Variants in KDM4C observed in about 807,000 individuals in gnomAD.
KDM4C encodes lysine-specific demethylase 4C.
Under a neutral mutation model 129.3 loss-of-function variants are expected in KDM4C, and 81 were observed. That is an observed-to-expected ratio of 0.63 (90% CI 0.52 to 0.75). The LOEUF (loss-of-function observed/expected upper bound fraction) is 0.75, where lower values mean the gene tolerates loss of function less well. KDM4C is among the 30% of genes least tolerant of loss of function. The pLI is 0.00. For missense variants in KDM4C, 1,457 were observed against 1,304.0 expected (o/e 1.12, Z -1.81); for synonymous variants, 573 against 456.1 (o/e 1.26, Z -3.26).
intron 1 of KDM4C, among the ~76,000 whole-genome samples, chr9:6,740,397 G>A (rs536571797): frequency 6.6e-6 from 1 of 151,780 alleles, no homozygotes; most frequent in Admixed American, 6.6e-5. Flanking sequence ...TAGAGATGGG[G>A]TTTCACCGTG....
intron 1 of KDM4C, chr9:6,734,938 C>T (rs928536458): frequency 1.7e-6 from 1 of 573,926 alleles, no homozygotes; most frequent in Non-Finnish European, 3.5e-6. Context: ...TGCAACTTTT[C>T]AGAGGGATCT....
At chr9:7,118,534 G>C (rs1359046962) in intron 18 of KDM4C, among the ~76,000 whole-genome samples, 3 of 152,158 alleles carry the variant, frequency 2.0e-5, no homozygotes, top group African/African-American at 4.8e-5. Flanking sequence ...TGCAATCCTT[G>C]TAGAAATTTT....
At chr9:7,099,848 A>G (rs936629614) in intron 17 of KDM4C, among the ~76,000 whole-genome samples, 2 of 152,054 alleles carry the variant, frequency 1.3e-5, no homozygotes, top group African/African-American at 4.8e-5. Context: ...ACCTTCTTTC[A>G]TTCCCCTCCC....
At chr9:7,159,194 C>T (rs987057085) in intron 19 of KDM4C, among the ~76,000 whole-genome samples, 1 of 152,102 alleles carries the variant, frequency 6.6e-6, no homozygotes. Context: ...GTAGATCTTC[C>T]TCCATTCCTT....
At chr9:6,991,099 C>T (rs1338534265) in intron 12 of KDM4C, among the ~76,000 whole-genome samples, 4 of 151,856 alleles carry the variant, frequency 2.6e-5, no homozygotes, top group African/African-American at 9.7e-5. Flanking sequence ...TTTTTCAAGA[C>T]AGGGTCTCGC....
intron 19 of KDM4C, among the ~76,000 whole-genome samples, chr9:7,153,160 A>C (rs936318705): frequency 1.3e-5 from 2 of 151,372 alleles, no homozygotes; most frequent in African/African-American, 4.9e-5. Flanking sequence ...CTGGTCTTGA[A>C]CTCCTGAGCT....
chr9:7,025,658 C>G (rs1825688715), intron 15 of KDM4C, among the ~76,000 whole-genome samples: 2 of 152,198 alleles, frequency 1.3e-5, no homozygotes, highest in South Asian at 4.1e-4. Context: ...AAGCTCTACA[C>G]TTTAGCCTCT....
intron 12 of KDM4C, among the ~76,000 whole-genome samples, chr9:7,002,211 C>T (rs1219815174): frequency 6.6e-6 from 1 of 152,144 alleles, no homozygotes; most frequent in Non-Finnish European, 1.5e-5. Context: ...TAGTTTTGAA[C>T]TCCATAAAGG....
chr9:6,934,912 G>A (rs529798128), intron 8 of KDM4C, among the ~76,000 whole-genome samples: 2 of 151,260 alleles, frequency 1.3e-5, no homozygotes, highest in African/African-American at 4.9e-5. Flanking sequence ...AGGTATACCA[G>A]ATTTCTTTAT....
intron 4 of KDM4C, among the ~76,000 whole-genome samples, chr9:6,824,761 A>C (rs1247350211): frequency 2.0e-5 from 3 of 152,184 alleles, no homozygotes; most frequent in East Asian, 1.9e-4. Flanking sequence ...CAGACAGAAA[A>C]AGAAAAGGTG....
At position 7,014,507 on chromosome 9, in the gene KDM4C, T is replaced by G. The variant is rs74367436; in HGVS notation, c.2182+506T>G. Among the ~76,000 whole-genome samples the G allele has an allele frequency of 6.3e-3, 966 of 152,298 alleles. 80 individuals carry two copies. The East Asian group carries it at 0.16, about 25-fold the overall frequency. ...CATTACAGTTGTTTTACCCCTGCAC[T>G]GGGATAGTCTCCACACCTATCTCAA... On this transcript the variant is annotated intron_variant, in intron 14 of 21. Coordinates refer to ENST00000381309, the MANE Select transcript of KDM4C (RefSeq NM_015061.6).
intron 8 of KDM4C, among the ~76,000 whole-genome samples, chr9:6,966,720 A>AT (rs1191125326): frequency 6.6e-6 from 1 of 152,200 alleles, no homozygotes; most frequent in Admixed American, 6.5e-5. Context: ...CCAACCATCC[A>AT]GTAGGGAAAA....
intron 1 of KDM4C, among the ~76,000 whole-genome samples, chr9:6,751,127 C>G (rs1298873557): frequency 1.3e-5 from 2 of 152,150 alleles, no homozygotes; most frequent in Non-Finnish European, 2.9e-5. Flanking sequence ...ACTTCTGTCA[C>G]ATTCTGTTGA....
chr9:6,895,282 T>C (rs1333022151), intron 8 of KDM4C, among the ~76,000 whole-genome samples: 1 of 152,262 alleles, frequency 6.6e-6, no homozygotes, highest in African/African-American at 2.4e-5. Context: ...GGATTGCATT[T>C]CTTACTGAGA....
chr9:6,991,700 C>A (rs1033270502), intron 12 of KDM4C, among the ~76,000 whole-genome samples: 1 of 152,056 alleles, frequency 6.6e-6, no homozygotes, highest in Non-Finnish European at 1.5e-5. Flanking sequence ...GATTTTTTCC[C>A]CCTTTCACTC....
rs141716876 is a variant in KDM4C at position 7,086,030 on chromosome 9, C to T, written c.2425-17655C>T. ...AACATTAGCCAGGCATAGTGGCATG[C>T]GCCTGTAGTCCCAGCTACTCGGGAG... On this transcript the variant is annotated intron_variant, in intron 17 of 21. Coordinates refer to ENST00000381309, the MANE Select transcript of KDM4C (RefSeq NM_015061.6). 6.5e-4 allele frequency among the ~76,000 whole-genome samples: 99 copies of T among 152,140 alleles called. 1 individual carries two copies. Among genetic ancestry groups the T allele is most frequent in the African/African-American group, 2.2e-3 (91 of 41,530 alleles).
At chr9:6,752,077 T>C (rs1021553706) in intron 1 of KDM4C, among the ~76,000 whole-genome samples, 2 of 151,796 alleles carry the variant, frequency 1.3e-5, no homozygotes, top group Non-Finnish European at 2.9e-5. Flanking sequence ...CTCACGCCTG[T>C]AATCCCAGCA....
intron 8 of KDM4C, among the ~76,000 whole-genome samples, chr9:6,951,981 A>C (rs936638099): frequency 6.6e-6 from 1 of 152,116 alleles, no homozygotes; most frequent in Non-Finnish European, 1.5e-5. Flanking sequence ...GATTTTTGAA[A>C]ATTGACCCTG....
intron 5 of KDM4C, among the ~76,000 whole-genome samples, chr9:6,864,558 C>T (rs1051799939): frequency 6.7e-6 from 1 of 149,034 alleles, no homozygotes; most frequent in Non-Finnish European, 1.5e-5. Context: ...GTAACCTCTG[C>T]CTCCCAGTTT....
Sources: allele counts gnomAD v4.1 joint callset (sites outside exome capture counted in the v4.1 genomes callset), GRCh38; gene constraint gnomAD v4.1.1; transcripts MANE v1.5; gene names NCBI Gene and HGNC (gene_info 2026-07-23, HGNC 2026-07-21).